Variants in RNF125 observed in about 807,000 individuals in gnomAD.
RNF125 encodes the protein E3 ubiquitin-protein ligase RNF125.
RNF125 carries 21 observed loss-of-function variants against 26.0 expected under a neutral mutation model. That is an observed-to-expected ratio of 0.81 (90% CI 0.57 to 1.16). The LOEUF (loss-of-function observed/expected upper bound fraction) is 1.16, where lower values mean the gene tolerates loss of function less well. Among genes scored for constraint, RNF125 ranks in the 50% most tolerant of loss-of-function variants. RNF125 has a pLI of 0.00. For missense variants in RNF125, 270 were observed against 299.4 expected (o/e 0.90, Z 0.72); for synonymous variants, 95 against 109.2 (o/e 0.87, Z 0.81).
At chr18:32,087,741 T>C in the RNF125 span, among the ~76,000 whole-genome samples, 3 of 152,200 alleles carry the variant, frequency 2.0e-5, no homozygotes, top group Non-Finnish European at 4.4e-5. Context: ...AGAGTTCTTC[T>C]TTATGATTCC....
chr18:32,064,402 T>C (rs1473156788), intron 4 of RNF125, among the ~76,000 whole-genome samples: 70 of 121,014 alleles, frequency 5.8e-4, no homozygotes, highest in Non-Finnish European at 7.9e-4. Flanking sequence ...TTTTCTTTTT[T>C]TTTTTTTTTT....
chr18:32,052,648 T>C (rs375821296), intron 4 of RNF125, among the ~76,000 whole-genome samples: 4 of 152,152 alleles, frequency 2.6e-5, no homozygotes, highest in East Asian at 3.8e-4. Context: ...TGTCATCACA[T>C]GGGAAGTGTT....
intron 4 of RNF125, among the ~76,000 whole-genome samples, chr18:32,046,236 A>AAGAG (rs1555692988): frequency 1.7e-5 from 2 of 116,454 alleles, no homozygotes; most frequent in Admixed American, 8.9e-5. Flanking sequence ...AAAAAAAAAA[A>AAGAG]AGAGAAAGAG....
At chr18:32,038,888 C>T (rs1018967397) in intron 2 of RNF125, among the ~76,000 whole-genome samples, 1 of 151,908 alleles carries the variant, frequency 6.6e-6, no homozygotes, top group African/African-American at 2.4e-5. Flanking sequence ...GCCTCAGCCT[C>T]CCGAGTAGCT....
At chr18:32,038,161 G>A (rs2039180161) in intron 2 of RNF125, among the ~76,000 whole-genome samples, 1 of 148,572 alleles carries the variant, frequency 6.7e-6, no homozygotes, top group Non-Finnish European at 1.5e-5. Flanking sequence ...TGATTCTAAT[G>A]CCTCAGCTTC....
chr18:32,069,215 A>T lies in RNF125; in HGVS notation c.*831A>T, dbSNP rs1410992747. On this transcript the variant is annotated 3_prime_UTR_variant, in exon 6 of 6. Coordinates refer to ENST00000217740, the MANE Select transcript of RNF125 (RefSeq NM_017831.4). Reference sequence around the variant, plus strand: ...GACTCCATCTCAAAAAAAAAAAAAAAAAAAATCCATTTAACCAAATTGTCT... The same window carrying T: ...GACTCCATCTCAAAAAAAAAAAAAATAAAAATCCATTTAACCAAATTGTCT... The T allele has an allele frequency of 2.0e-5, 3 of 151,986 alleles. No homozygotes were observed. Among genetic ancestry groups the T allele is most frequent in the Non-Finnish European group, 4.4e-5 (3 of 68,026 alleles). The allele number at this position is 151,986 out of a possible 1,614,324, so 9.4% of individuals were successfully genotyped here.
the RNF125 span, among the ~76,000 whole-genome samples, chr18:32,080,298 G>A: frequency 6.6e-6 from 1 of 152,176 alleles, no homozygotes; most frequent in Non-Finnish European, 1.5e-5. Flanking sequence ...CAAAATGCTA[G>A]GATTACAAGT....
chr18:32,049,086 G>GC (rs1175002478), intron 4 of RNF125, among the ~76,000 whole-genome samples: 2 of 152,180 alleles, frequency 1.3e-5, no homozygotes, highest in African/African-American at 4.8e-5. Flanking sequence ...GGTCAGTTCC[G>GC]TGGTACTGTG....
downstream of RNF125, among the ~76,000 whole-genome samples, chr18:32,075,642 G>A (rs545536420): frequency 1.9e-4 from 25 of 128,288 alleles, no homozygotes; most frequent in African/African-American, 4.8e-4. Flanking sequence ...GCAGTGAGCC[G>A]AAATTGTGCC....
Position 32,042,242 on chromosome 18 carries a change from C to A in RNF125, c.382C>A (p.Pro128Thr), listed in dbSNP as rs757375525. Residue 128 changes from proline (P) to threonine (T), a missense_variant, in exon 3 of 6, where the codon CCA becomes ACA. Physicochemically the swap from Pro to Thr is conservative, Grantham distance 38. Transcript: ENST00000217740. ...TCQKYIDKYG[P>T]LQELEETAAR... ...TCAGAAGTACATAGATAAGTATGGA[C>A]CACTACAAGAACTTGAGGAGACAGC... 22 of 1,612,932 alleles carry A rather than the reference C, an allele frequency of 1.4e-5. No individual in the cohort carries two copies. In the African/African-American group the frequency reaches 2.4e-4, roughly 18 times the overall value.
chr18:32,065,471 C>A (rs886814322), intron 4 of RNF125, among the ~76,000 whole-genome samples: 2 of 151,602 alleles, frequency 1.3e-5, no homozygotes, highest in Non-Finnish European at 2.9e-5. Context: ...CTCCTGACCT[C>A]GTGATCCACC....
At chr18:32,033,896 A>G (rs759803029) in intron 1 of RNF125, among the ~76,000 whole-genome samples, 63 of 152,072 alleles carry the variant, frequency 4.1e-4, no homozygotes, top group Non-Finnish European at 6.8e-4. Context: ...TAGACGTTCT[A>G]TTAGTGACAG....
At chr18:32,057,099 C>T (rs2039392996) in intron 4 of RNF125, among the ~76,000 whole-genome samples, 1 of 152,134 alleles carries the variant, frequency 6.6e-6, no homozygotes, top group Non-Finnish European at 1.5e-5. Context: ...GTTTCTACAC[C>T]TTTCAACATC....
At position 32,068,425 on chromosome 18, in the gene RNF125, C is replaced by A. The variant is rs1344561039; in HGVS notation, c.*41C>A. On this transcript the variant is annotated 3_prime_UTR_variant, in exon 6 of 6. Transcript: ENST00000217740. ...GGGAAAAGGGACCACTGAATTGCAC[C>A]ATTTAAGATGCTGCTTGAACAAATG... 3 of 1,119,314 alleles carry A rather than the reference C, an allele frequency of 2.7e-6. No individual in the cohort carries two copies. Among genetic ancestry groups the A allele is most frequent in the African/African-American group, 3.1e-5 (2 of 64,986 alleles). The allele number at this position is 1,119,314 out of a possible 1,614,324, so 69.3% of individuals were successfully genotyped here.
downstream of RNF125, among the ~76,000 whole-genome samples, chr18:32,073,405 A>G (rs189173918): frequency 5.4e-4 from 83 of 152,300 alleles, no homozygotes; most frequent in Non-Finnish European, 9.1e-4. Context: ...TGGGTGTGCT[A>G]GTGGCCTGAG....
intron 4 of RNF125, among the ~76,000 whole-genome samples, chr18:32,050,236 T>A (rs767232054): frequency 4.9e-4 from 75 of 152,206 alleles, no homozygotes; most frequent in Non-Finnish European, 5.1e-4. Flanking sequence ...GTTAAAAACA[T>A]CAGGGGATTT....
the RNF125 span, among the ~76,000 whole-genome samples, chr18:32,087,570 GTCT>G: frequency 7.8e-4 from 118 of 152,018 alleles, no homozygotes; most frequent in Admixed American, 9.8e-4. Context: ...GTTCACAGAA[GTCT>G]TCTTCTGTGT....
At chr18:32,087,569 AGTCTTCTTCTGTGTT>A in the RNF125 span, among the ~76,000 whole-genome samples, 3 of 151,828 alleles carry the variant, frequency 2.0e-5, no homozygotes, top group African/African-American at 7.3e-5. Context: ...TGTTCACAGA[AGTCTTCTTCTGTGTT>A]GATTGTTGTG....
At chr18:32,058,360 T>G (rs1439118599) in intron 4 of RNF125, among the ~76,000 whole-genome samples, 1 of 152,060 alleles carries the variant, frequency 6.6e-6, no homozygotes, top group Non-Finnish European at 1.5e-5. Flanking sequence ...ACTCTTTTTT[T>G]TTTGAGAGGG....
Sources: gnomAD v4.1 joint callset for allele counts (sites outside exome capture counted in the v4.1 genomes callset) on GRCh38, gnomAD v4.1.1 for gene constraint, MANE v1.5 for transcripts, NCBI Gene and HGNC (gene_info 2026-07-23, HGNC 2026-07-21) for gene names.